Variants in TCERG1 observed in about 807,000 individuals in gnomAD.
The protein encoded by TCERG1 is transcription elongation regulator 1.
A neutral mutation model predicts 144.7 loss-of-function variants in TCERG1; 37 were observed. The observed-to-expected ratio is 0.26, with a 90% CI of 0.20 to 0.34. The LOEUF (loss-of-function observed/expected upper bound fraction) is 0.34. Among genes scored for constraint, TCERG1 ranks in the 10% least tolerant of loss-of-function variants. The pLI is 1.00. For missense variants in TCERG1, 1,027 were observed against 1,380.7 expected (o/e 0.74, Z 4.06); for synonymous variants, 492 against 458.2 (o/e 1.07, Z -0.94).
chr5:146,491,824 G>C (rs1448787320), intron 15 of TCERG1, among the ~76,000 whole-genome samples: 1 of 152,188 alleles, frequency 6.6e-6, no homozygotes, highest in African/African-American at 2.4e-5. Flanking sequence ...TGCAACTGCT[G>C]TTTTAAGTGT....
intron 16 of TCERG1, among the ~76,000 whole-genome samples, chr5:146,497,427 A>G (rs1201037621): frequency 6.6e-6 from 1 of 152,184 alleles, no homozygotes; most frequent in Non-Finnish European, 1.5e-5. Context: ...GATTGCATGC[A>G]TGAGCCACTG....
chr5:146,492,526 T>C (rs564841596), intron 15 of TCERG1, among the ~76,000 whole-genome samples: 8 of 152,320 alleles, frequency 5.3e-5, no homozygotes, highest in African/African-American at 1.7e-4. Flanking sequence ...AAAATACTTA[T>C]GTCTTAAGAG....
rs112278802 is a variant in TCERG1 at position 146,492,961 on chromosome 5, C to G, written c.2205C>G (p.Arg735=). ...TAAAGACCAGGGCAGAGGAAGAACG[C>G]AGGGAAAAGAAAAATAAAATAATGC... The part of the protein sequence containing the change: ...QYVKTRAEEE[R]REKKNKIMQA... The change falls in exon 16 of 23, where the codon CGC becomes CGG. Residue 735 remains arginine (R), a synonymous_variant. Transcript: ENST00000679501. The G allele has an allele frequency of 7.9e-4, 1,270 of 1,605,402 alleles. 3 individuals carry two copies. In the African/African-American group the frequency reaches 0.015, roughly 20 times the overall value.
intron 16 of TCERG1, among the ~76,000 whole-genome samples, chr5:146,498,234 A>G (rs1264724498): frequency 6.6e-6 from 1 of 151,928 alleles, no homozygotes; most frequent in Non-Finnish European, 1.5e-5. Flanking sequence ...CAGAGTGGAA[A>G]TTGATGAGCT....
At chr5:146,480,122 G>A in intron 12 of TCERG1, 28 bp downstream of exon 12, 2 of 1,523,558 alleles carry the variant, frequency 1.3e-6, no homozygotes, top group Non-Finnish European at 1.8e-6. Flanking sequence ...TTTGATTGAG[G>A]TAGATTATAT....
At chr5:146,489,239 T>A (rs1042855399) in intron 15 of TCERG1, among the ~76,000 whole-genome samples, 2 of 152,178 alleles carry the variant, frequency 1.3e-5, no homozygotes, top group African/African-American at 4.8e-5. Context: ...GAGATTGATA[T>A]GCTAATTACC....
chr5:146,482,227 A>G (rs925706506), intron 13 of TCERG1: 10 of 155,284 alleles, frequency 6.4e-5, no homozygotes, highest in Non-Finnish European at 1.1e-4. Context: ...AACTAAAAAA[A>G]TTATATTTTG....
Position 146,499,324 on chromosome 5 carries a change from C to T in TCERG1, c.2433+638C>T, listed in dbSNP as rs116581265. ...AATGTAGAAAAATAACCTCTGGAGC[C>T]TAATCATTCTTGACATTTAAAATTG... On this transcript the variant is annotated intron_variant, in intron 17 of 22. Transcript: ENST00000679501. Among the ~76,000 whole-genome samples, 123 of 152,258 alleles carry T rather than the reference C, an allele frequency of 8.1e-4. 1 individual carries two copies. The highest frequency in any genetic ancestry group is 2.9e-3 in the African/African-American group (121 of 41,550).
At chr5:146,478,382 C>A in intron 9 of TCERG1, 111 bp from the exon 10 acceptor site, 1 of 1,110,478 alleles carries the variant, frequency 9.0e-7, no homozygotes, top group South Asian at 2.8e-5. Context: ...GTAATAAGAA[C>A]ATGTCGTTCT....
intron 15 of TCERG1, among the ~76,000 whole-genome samples, chr5:146,491,355 A>G (rs1264444571): frequency 6.6e-6 from 1 of 151,814 alleles, no homozygotes; most frequent in Non-Finnish European, 1.5e-5. Context: ...GTGGTTCTCA[A>G]CCACGAGTAG....
At position 146,498,654 on chromosome 5, in the gene TCERG1, GAGAA is replaced by G. The variant is rs1767154193; in HGVS notation, c.2406_2409del (p.Glu803IlefsTer31). ...GTTTGTGGCCGCTGCTAGGAAGAAA[GAGAA>G]AGAAGATTCGAAGACCAGAGGTGAG... On this transcript the variant is annotated frameshift_variant, in exon 17 of 23. Transcript: ENST00000679501. LOFTEE classifies it high-confidence loss of function. 6.2e-7 allele frequency: 1 copy of G among 1,611,820 alleles called. No homozygotes were observed. The highest frequency in any genetic ancestry group is 8.5e-7 in the Non-Finnish European group (1 of 1,179,158).
rs1762722274 is a variant in TCERG1, at chr5:146,455,207, C to A, written c.211C>A (p.Pro71Thr). ...PPPRPPFGRP[P>T]FDPNMPPMPP... ...ACCACGGCCGCCCTTTGGACGTCCT[C>A]CTTTTGATCCTAATATGCCGCCAAT... The change falls in exon 2 of 23, where the codon CCT becomes ACT. Residue 71 changes from proline (P) to threonine (T), a missense_variant. Pro to Thr is a conservative substitution (Grantham distance 38). Coordinates refer to ENST00000679501, the MANE Select transcript of TCERG1 (RefSeq NM_001382548.1). 2 of 1,614,202 alleles carry A rather than the reference C, an allele frequency of 1.2e-6. No homozygotes were observed. The highest frequency in any genetic ancestry group is 1.7e-6 in the Non-Finnish European group (2 of 1,180,034).
In TCERG1 at chr5:146,463,770, C is replaced by A; in HGVS notation, c.1112C>A (p.Pro371His). Residue 371 changes from proline (P) to histidine (H), a missense_variant, in exon 5 of 23, where the codon CCT (proline) becomes CAT (histidine). Transcript: ENST00000679501. Reference protein sequence around the residue: ...VMVPPFRVPLPGMPIPLPGVA... With the variant: ...VMVPPFRVPLHGMPIPLPGVA... ...GTACCTCCGTTTCGTGTTCCCCTTC[C>A]TGGCATGCCAATTCCACTTCCAGGT... 6.2e-7 allele frequency: 1 copy of A among 1,614,224 alleles called. No homozygotes were observed.
intron 6 of TCERG1, among the ~76,000 whole-genome samples, chr5:146,469,224 TTTCTA>T (rs1347876328): frequency 1.3e-5 from 2 of 152,178 alleles, no homozygotes; most frequent in African/African-American, 4.8e-5. Flanking sequence ...TAAAAATAGA[TTTCTA>T]TTCATAAGTA....
At chr5:146,503,350 TC>T in intron 17 of TCERG1, 24 bp from the exon 18 acceptor site, 1 of 1,603,498 alleles carries the variant, frequency 6.2e-7, no homozygotes. Context: ...TTCCCTCCCA[TC>T]CCACTACCTG....
At chr5:146,493,478 T>C (rs768830932) in intron 16 of TCERG1, among the ~76,000 whole-genome samples, 1 of 152,092 alleles carries the variant, frequency 6.6e-6, no homozygotes, top group Non-Finnish European at 1.5e-5. Context: ...ATTAAATACA[T>C]GTAATGGGCT....
At chr5:146,450,181 A>C (rs1284032610) in intron 1 of TCERG1, among the ~76,000 whole-genome samples, 1 of 152,252 alleles carries the variant, frequency 6.6e-6, no homozygotes, top group Non-Finnish European at 1.5e-5. Flanking sequence ...ATTTCTTCAT[A>C]GCATTTATCA....
chr5:146,453,924 G>A lies in TCERG1; in HGVS notation c.60-1132G>A, dbSNP rs571046673. Among the ~76,000 whole-genome samples the A allele has an allele frequency of 1.2e-3, 182 of 151,716 alleles. 1 individual carries two copies. The highest frequency in any genetic ancestry group is 4.1e-3 in the African/African-American group (169 of 41,330). ...AATAGAACATTCCTTCCGGCCAGGC[G>A]CTGTGGCTCATGCCTATAATCCTAG... On this transcript the variant is annotated intron_variant, in intron 1 of 22. Transcript: ENST00000679501.
At chr5:146,451,687 G>A in intron 1 of TCERG1, among the ~76,000 whole-genome samples, 1 of 149,486 alleles carries the variant, frequency 6.7e-6, no homozygotes, top group East Asian at 2.0e-4. Flanking sequence ...TTGCAAATTT[G>A]ATTAAATATA....
Sources: gnomAD v4.1 joint callset for allele counts (sites outside exome capture counted in the v4.1 genomes callset) on GRCh38, gnomAD v4.1.1 for gene constraint, MANE v1.5 for transcripts, NCBI Gene and HGNC (gene_info 2026-07-23, HGNC 2026-07-21) for gene names.